Variants in DHRS7B observed in about 807,000 individuals in gnomAD.
DHRS7B encodes the protein dehydrogenase/reductase 7B.
DHRS7B carries 24 observed loss-of-function variants against 26.4 expected under a neutral mutation model. The ratio of observed to expected loss-of-function variants is 0.91; its 90% CI spans 0.66 to 1.28. DHRS7B has a LOEUF of 1.28. DHRS7B is among the 50% of genes most tolerant of loss of function. The probability of loss-of-function intolerance (pLI) is 0.00; values close to 1 mark genes in which losing one functional copy is unlikely to be tolerated. For missense variants in DHRS7B, 368 were observed against 419.4 expected (o/e 0.88, Z 1.07); for synonymous variants, 142 against 166.4 (o/e 0.85, Z 1.13).
At chr17:21,138,211 C>CCTT (rs1973408156) in intron 1 of DHRS7B, among the ~76,000 whole-genome samples, 1 of 78,224 alleles carries the variant, frequency 1.3e-5, no homozygotes, top group Non-Finnish European at 2.3e-5. Context: ...ATCCCTCCTT[C>CCTT]TTTTTTTTTT....
intron 1 of DHRS7B, among the ~76,000 whole-genome samples, chr17:21,156,634 C>G (rs760962033): frequency 5.9e-5 from 9 of 151,338 alleles, no homozygotes; most frequent in Non-Finnish European, 1.2e-4. Flanking sequence ...AAAAATAAGC[C>G]GGGCGTGGTG....
chr17:21,185,389 A>G (rs1974609012), intron 5 of DHRS7B, among the ~76,000 whole-genome samples: 1 of 152,156 alleles, frequency 6.6e-6, no homozygotes. Context: ...AGAGTGTAAC[A>G]CAGTTTATTC....
At chr17:21,157,075 A>T (rs1472075936) in intron 1 of DHRS7B, among the ~76,000 whole-genome samples, 2 of 152,202 alleles carry the variant, frequency 1.3e-5, no homozygotes, top group African/African-American at 4.8e-5. Context: ...ATCAATAATA[A>T]TAACTTTCCC....
At chr17:21,187,547 A>G (rs1270279348) in intron 5 of DHRS7B, among the ~76,000 whole-genome samples, 1 of 150,130 alleles carries the variant, frequency 6.7e-6, no homozygotes, top group Non-Finnish European at 1.5e-5. Flanking sequence ...AACGGTGTGA[A>G]CCCGGGAGGC....
chr17:21,168,801 C>T (rs988321430), intron 1 of DHRS7B: 2 of 985,366 alleles, frequency 2.0e-6, no homozygotes, highest in Middle Eastern at 5.2e-4. Flanking sequence ...GCCATGTTTG[C>T]CTCAGGCAAA....
chr17:21,180,644 C>T (rs975704410), intron 3 of DHRS7B, among the ~76,000 whole-genome samples: 2 of 151,868 alleles, frequency 1.3e-5, no homozygotes, highest in African/African-American at 4.8e-5. Flanking sequence ...GGGTTTTCTC[C>T]CCCTTAGAGG....
At chr17:21,155,151 T>G (rs1973852098) in intron 1 of DHRS7B, among the ~76,000 whole-genome samples, 1 of 152,188 alleles carries the variant, frequency 6.6e-6, no homozygotes, top group Non-Finnish European at 1.5e-5. Context: ...AATAATCACT[T>G]TAAATGTCAG....
intron 1 of DHRS7B, among the ~76,000 whole-genome samples, chr17:21,164,733 C>T (rs1974074103): frequency 6.6e-6 from 1 of 152,190 alleles, no homozygotes; most frequent in South Asian, 2.1e-4. Flanking sequence ...TAGGGGCTGC[C>T]TCCATGAGGT....
rs575256489 is a variant in DHRS7B at position 21,151,454 on chromosome 17, A to C, written c.21-20564A>C. On this transcript the variant is annotated intron_variant, in intron 1 of 6. Coordinates refer to ENST00000395511, the MANE Select transcript of DHRS7B (RefSeq NM_015510.5). ...CTTGAACCTGGGAGGCGGAGTTGGC[A>C]GTGAGCCGAGATCACACCACTGCAC... Among the ~76,000 whole-genome samples the C allele has an allele frequency of 6.0e-5, 9 of 150,316 alleles. No individual in the cohort carries two copies. The South Asian group carries it at 1.7e-3, about 28-fold the overall frequency.
At chr17:21,127,064 G>C (rs367960380) in intron 1 of DHRS7B, 73 bp downstream of exon 1, 2 of 1,424,054 alleles carry the variant, frequency 1.4e-6, no homozygotes. Context: ...CGACGCCCCG[G>C]CTTGGGTGAG....
At chr17:21,155,237 G>T (rs1208909318) in intron 1 of DHRS7B, among the ~76,000 whole-genome samples, 2 of 152,140 alleles carry the variant, frequency 1.3e-5, no homozygotes, top group Non-Finnish European at 2.9e-5. Flanking sequence ...AATATATGTT[G>T]TCTACCAGAA....
intron 2 of DHRS7B, chr17:21,172,548 A>C: frequency 2.8e-6 from 1 of 359,948 alleles, no homozygotes; most frequent in Non-Finnish European, 5.3e-6. Flanking sequence ...CCAATTTCCA[A>C]ATATGGACAG....
At chr17:21,178,900 G>A (rs1043830634) in intron 3 of DHRS7B, among the ~76,000 whole-genome samples, 1 of 152,036 alleles carries the variant, frequency 6.6e-6, no homozygotes, top group Admixed American at 6.5e-5. Context: ...TGATCTGCCC[G>A]CCTCAGCCTC....
chr17:21,160,581 G>A (rs754527753), intron 1 of DHRS7B, among the ~76,000 whole-genome samples: 2 of 152,188 alleles, frequency 1.3e-5, no homozygotes, highest in African/African-American at 2.4e-5. Context: ...CCAAATGCTA[G>A]CAAGGAAGTG....
chr17:21,147,292 A>G (rs1213520844), intron 1 of DHRS7B, among the ~76,000 whole-genome samples: 3 of 152,136 alleles, frequency 2.0e-5, no homozygotes, highest in African/African-American at 7.2e-5. Flanking sequence ...GCTATGGCAG[A>G]ACTTGGGGCC....
At position 21,166,109 on chromosome 17, in the gene DHRS7B, C is replaced by T. The variant is rs1360693556; in HGVS notation, c.21-5909C>T. ...TCATATTACAGGGCCCGGGGCTGGGCTTTGGCACCTTTCTCCGCCCCCCCT... is the reference window on the plus strand; with the variant it reads ...TCATATTACAGGGCCCGGGGCTGGGTTTTGGCACCTTTCTCCGCCCCCCCT... On this transcript the variant is annotated intron_variant, in intron 1 of 6. Transcript: ENST00000395511. 5 of 979,656 alleles carry T rather than the reference C, an allele frequency of 5.1e-6. No individual in the cohort carries two copies. The Admixed American group carries it at 2.5e-4, about 48-fold the overall frequency. 60.7% of individuals were successfully genotyped at this position (979,656 alleles called of 1,614,324 possible).
intron 5 of DHRS7B, 121 bp from the exon 6 acceptor site, chr17:21,188,590 G>A: frequency 2.5e-6 from 3 of 1,178,002 alleles, no homozygotes; most frequent in Non-Finnish European, 3.5e-6. Context: ...AACATAGCAA[G>A]ACGATCACAA....
intron 1 of DHRS7B, among the ~76,000 whole-genome samples, chr17:21,170,717 G>A (rs183821444): frequency 1.3e-5 from 2 of 152,290 alleles, no homozygotes; most frequent in Admixed American, 1.3e-4. Flanking sequence ...GGGCAATTTA[G>A]CATAGATCAG....
chr17:21,136,678 C>T (rs1318772329), intron 1 of DHRS7B, among the ~76,000 whole-genome samples: 1 of 151,942 alleles, frequency 6.6e-6, no homozygotes, highest in African/African-American at 2.4e-5. Context: ...GCCTCAGACT[C>T]CTGAGTAGCT....
Sources: gnomAD v4.1 joint callset for allele counts (sites outside exome capture counted in the v4.1 genomes callset) on GRCh38, gnomAD v4.1.1 for gene constraint, MANE v1.5 for transcripts, NCBI Gene and HGNC (gene_info 2026-07-23, HGNC 2026-07-21) for gene names.